Variants in NDUFB3 observed in about 807,000 individuals in gnomAD.
NDUFB3 encodes NADH:ubiquinone oxidoreductase subunit B3, also known as NADH dehydrogenase [ubiquinone] 1 beta subcomplex subunit 3.
A neutral mutation model predicts 9.0 loss-of-function variants in NDUFB3; 7 were observed. The ratio of observed to expected loss-of-function variants is 0.78; its 90% CI spans 0.44 to 1.46. The LOEUF is 1.46. Among genes scored for constraint, NDUFB3 ranks in the 40% most tolerant of loss-of-function variants. The pLI, the probability that NDUFB3 is intolerant of heterozygous loss-of-function variation, is 0.01. For missense variants in NDUFB3, 93 were observed against 115.4 expected, an observed-to-expected ratio of 0.81 and a Z score of 0.89; for synonymous variants, 29 against 38.5, an observed-to-expected ratio of 0.75 and a Z score of 0.91.
At chr2:201,081,804 A>G (rs1487632834) in intron 2 of NDUFB3, among the ~76,000 whole-genome samples, 1 of 142,630 alleles carries the variant, frequency 7.0e-6, no homozygotes, top group African/African-American at 2.6e-5. Context: ...GTGCACCACC[A>G]CGCCCAGCTA....
intron 2 of NDUFB3, among the ~76,000 whole-genome samples, chr2:201,081,867 G>A (rs1308929562): frequency 6.7e-6 from 1 of 149,424 alleles, no homozygotes. Context: ...ACAGGCTGGA[G>A]TGCAGTGGCA....
chr2:201,085,734 A>ATG lies in NDUFB3; in HGVS notation c.*120_*121insGT. 1.5e-6 allele frequency: 1 copy of ATG among 655,586 alleles called. No homozygotes were observed. Among genetic ancestry groups the ATG allele is most frequent in the Middle Eastern group, 2.8e-4 (1 of 3,610 alleles). 40.6% of individuals were successfully genotyped at this position (655,586 alleles called of 1,614,324 possible). ...TATTAGTAAGATTTAATCAATTAAA[A>ATG]TATATATATATGCCAATCTGCTTTT... On this transcript the variant is annotated 3_prime_UTR_variant, in exon 3 of 3. Transcript: ENST00000237889.
At chr2:201,082,875 G>A (rs1007062908) in intron 2 of NDUFB3, among the ~76,000 whole-genome samples, 4 of 150,376 alleles carry the variant, frequency 2.7e-5, no homozygotes, top group African/African-American at 4.9e-5. Context: ...CACCGCGCCC[G>A]GCTAATTTTT....
chr2:201,083,718 T>C (rs1333332672), intron 2 of NDUFB3, among the ~76,000 whole-genome samples: 2 of 152,216 alleles, frequency 1.3e-5, no homozygotes, highest in Admixed American at 1.3e-4. Context: ...TTCATAGTTT[T>C]TCCTTTTTAT....
intron 1 of NDUFB3, among the ~76,000 whole-genome samples, chr2:201,078,155 A>T (rs1434586534): frequency 6.6e-6 from 1 of 152,152 alleles, no homozygotes; most frequent in Non-Finnish European, 1.5e-5. Context: ...ACAAAAAATT[A>T]GCCGGGCGTG....
rs58405709 is a variant in NDUFB3, at chr2:201,085,733, A to AATAT, written c.*127_*130dup. On this transcript the variant is annotated 3_prime_UTR_variant, in exon 3 of 3. Coordinates refer to ENST00000237889, the MANE Select transcript of NDUFB3 (RefSeq NM_002491.3). The stretch of plus-strand genomic sequence containing the variant: ...ATATTAGTAAGATTTAATCAATTAA[A>AATAT]ATATATATATATGCCAATCTGCTTT... The AATAT allele has an allele frequency of 5.0e-5, 35 of 693,892 alleles. No homozygotes were observed. The highest frequency in any genetic ancestry group is 2.7e-4 in the African/African-American group (15 of 54,754). The allele number at this position is 693,892 out of a possible 1,614,324, so 43.0% of individuals were successfully genotyped here.
chr2:201,083,639 G>A (rs933673791), intron 2 of NDUFB3, among the ~76,000 whole-genome samples: 11 of 152,162 alleles, frequency 7.2e-5, no homozygotes, highest in Non-Finnish European at 1.5e-4. Flanking sequence ...GAGCCACCGT[G>A]CCCATCCTGT....
intron 1 of NDUFB3, among the ~76,000 whole-genome samples, chr2:201,077,384 T>C (rs1447257007): frequency 1.3e-5 from 2 of 152,160 alleles, no homozygotes; most frequent in African/African-American, 4.8e-5. Flanking sequence ...ATATTATATA[T>C]TAAAATAACA....
At position 201,076,484 on chromosome 2, in the gene NDUFB3, A is replaced by AATATATATATATATAT. The variant is rs561737388; in HGVS notation, c.-2-2383_-2-2368dup. Among the ~76,000 whole-genome samples the AATATATATATATATAT allele has an allele frequency of 7.8e-3, 941 of 119,892 alleles. 16 individuals are homozygous for AATATATATATATATAT. Among genetic ancestry groups the AATATATATATATATAT allele is most frequent in the Non-Finnish European group, 0.012 (694 of 56,356 alleles). 78.7% of individuals were successfully genotyped at this position (119,892 alleles called of 152,430 possible). On this transcript the variant is annotated intron_variant, in intron 1 of 2. Coordinates refer to ENST00000237889, the MANE Select transcript of NDUFB3 (RefSeq NM_002491.3). ...TCCAGAGCAAGACCCTCTATCTTTA[A>AATATATATATATATAT]ATATATATATATATATATATATATA...
chr2:201,080,396 T>C (rs1352933872), intron 2 of NDUFB3, among the ~76,000 whole-genome samples: 7 of 152,010 alleles, frequency 4.6e-5, no homozygotes, highest in Non-Finnish European at 1.0e-4. Context: ...CAGGGAGACT[T>C]TGTCTCTACA....
intron 2 of NDUFB3, among the ~76,000 whole-genome samples, chr2:201,082,081 G>C (rs761461860): frequency 6.6e-6 from 1 of 151,982 alleles, no homozygotes; most frequent in East Asian, 1.9e-4. Flanking sequence ...TTCCCAAAGC[G>C]CTGGGATTAC....
At chr2:201,073,837 AT>A (rs912006673) in intron 1 of NDUFB3, among the ~76,000 whole-genome samples, 8 of 152,044 alleles carry the variant, frequency 5.3e-5, no homozygotes, top group African/African-American at 1.9e-4. Flanking sequence ...TTTTAAATAT[AT>A]TTTTTATATT....
chr2:201,085,304 T>C (rs914508411), intron 2 of NDUFB3, among the ~76,000 whole-genome samples, 155 bp from the exon 3 acceptor site: 2 of 152,236 alleles, frequency 1.3e-5, no homozygotes, highest in African/African-American at 4.8e-5. Flanking sequence ...TATACTTAAT[T>C]ATCCTATGCC....
intron 1 of NDUFB3, among the ~76,000 whole-genome samples, chr2:201,075,096 A>G (rs1476307032): frequency 6.6e-6 from 1 of 151,792 alleles, no homozygotes; most frequent in Non-Finnish European, 1.5e-5. Context: ...CTGTAGTCCC[A>G]ATATTTTAGG....
rs530463473 is a variant in NDUFB3 at position 201,074,357 on chromosome 2, C to G, written c.-3+2298C>G. The stretch of plus-strand genomic sequence containing the variant: ...TCCCAGTTCCCAACTGCACCAGCCA[C>G]ATTTCAAGTGCTAGTGGCTACCATA... On this transcript the variant is annotated intron_variant, in intron 1 of 2. Transcript: ENST00000237889. Among the ~76,000 whole-genome samples, 4 of 151,602 alleles carry G rather than the reference C, an allele frequency of 2.6e-5. No individual in the cohort carries two copies. In the East Asian group the frequency reaches 7.7e-4, roughly 29 times the overall value.
intron 2 of NDUFB3, among the ~76,000 whole-genome samples, chr2:201,084,902 A>C (rs1429331569): frequency 2.6e-5 from 4 of 152,212 alleles, no homozygotes; most frequent in African/African-American, 9.6e-5. Flanking sequence ...GATCCTTTTG[A>C]ATAGTAACAG....
At chr2:201,083,351 C>CTTTTTTTTTTTTTTTT (rs748310803) in intron 2 of NDUFB3, among the ~76,000 whole-genome samples, 5 of 119,978 alleles carry the variant, frequency 4.2e-5, no homozygotes, top group Non-Finnish European at 8.6e-5. Context: ...TTTATTATTT[C>CTTTTTTTTTTTTTTTT]TTTTTTTTTT....
At chr2:201,083,108 TCTTC>T (rs2047248073) in intron 2 of NDUFB3, among the ~76,000 whole-genome samples, 1 of 152,218 alleles carries the variant, frequency 6.6e-6, no homozygotes, top group Non-Finnish European at 1.5e-5. Flanking sequence ...CATTGTTACT[TCTTC>T]CTTTTCAATC....
chr2:201,076,756 T>C (rs1292283144), intron 1 of NDUFB3, among the ~76,000 whole-genome samples: 1 of 151,740 alleles, frequency 6.6e-6, no homozygotes, highest in Non-Finnish European at 1.5e-5. Flanking sequence ...ATAATGTGTC[T>C]TTAATATACA....
Sources: allele counts gnomAD v4.1 joint callset (sites outside exome capture counted in the v4.1 genomes callset), GRCh38; gene constraint gnomAD v4.1.1; transcripts MANE v1.5; gene names NCBI Gene and HGNC (gene_info 2026-07-23, HGNC 2026-07-21).